CCBE1: variants seen among roughly 807,000 people sequenced by gnomAD.
CCBE1 encodes the protein collagen and calcium-binding EGF domain-containing protein 1.
In CCBE1, 37 loss-of-function variants were observed where a neutral mutation model predicts 50.0. That is an observed-to-expected ratio of 0.74 (90% confidence interval 0.57 to 0.97). The LOEUF is 0.97. CCBE1 is among the 50% of genes least tolerant of loss of function. CCBE1 has a pLI of 0.00. For synonymous variants in CCBE1, 234 were observed against 203.7 expected (o/e 1.15, Z -1.27); for missense variants, 538 against 523.8 (o/e 1.03, Z -0.26).
intron 2 of CCBE1, among the ~76,000 whole-genome samples, chr18:59,664,957 A>C (rs997281933): frequency 3.3e-5 from 5 of 152,196 alleles, no homozygotes; most frequent in African/African-American, 1.2e-4. Context: ...AGGAGGATCC[A>C]TTCTTCACTG....
intron 2 of CCBE1, among the ~76,000 whole-genome samples, chr18:59,546,397 G>T (rs1915683660): frequency 6.6e-6 from 1 of 152,150 alleles, no homozygotes; most frequent in Admixed American, 6.5e-5. Context: ...CTTCTTTCTG[G>T]TCAACAGTGA....
chr18:59,694,138 G>A (rs2054774468), intron 2 of CCBE1, among the ~76,000 whole-genome samples: 2 of 151,948 alleles, frequency 1.3e-5, no homozygotes, highest in Non-Finnish European at 1.5e-5. Flanking sequence ...CCAAAGTGCT[G>A]GGATTACAGG....
At chr18:59,666,622 G>T (rs905153179) in intron 2 of CCBE1, among the ~76,000 whole-genome samples, 12 of 152,080 alleles carry the variant, frequency 7.9e-5, no homozygotes, top group African/African-American at 2.4e-4. Context: ...TTTGAGGTGG[G>T]GGGGTGGGGG....
At chr18:59,603,028 A>C in intron 2 of CCBE1, among the ~76,000 whole-genome samples, 1 of 152,216 alleles carries the variant, frequency 6.6e-6, no homozygotes, top group East Asian at 1.9e-4. Flanking sequence ...GGTAAGCTGG[A>C]ATCACACTCA....
intron 2 of CCBE1, among the ~76,000 whole-genome samples, chr18:59,545,441 T>A (rs1266556582): frequency 6.6e-6 from 1 of 152,222 alleles, no homozygotes; most frequent in Non-Finnish European, 1.5e-5. Flanking sequence ...ACATAATGCA[T>A]ATTATTCCAC....
In CCBE1 at chr18:59,636,181, C is replaced by G. The variant is rs546355092; in HGVS notation, c.212+60448G>C. On this transcript the variant is annotated intron_variant, in intron 2 of 10. Coordinates refer to ENST00000439986, the MANE Select transcript of CCBE1 (RefSeq NM_133459.4). The stretch of plus-strand genomic sequence containing the variant: ...AAAAAAATAAAGCCCTAGCTCTGAA[C>G]TCCTTACATAAGGCATATCTAAAAT... Among the ~76,000 whole-genome samples the G allele has an allele frequency of 2.6e-5, 4 of 152,124 alleles. No homozygotes were observed. The South Asian group carries it at 8.3e-4, about 32-fold the overall frequency.
chr18:59,697,063 C>T, intron 1 of CCBE1, 149 bp downstream of exon 1: 5 of 1,134,232 alleles, frequency 4.4e-6, no homozygotes, highest in Non-Finnish European at 6.2e-6. Flanking sequence ...AAGTGTCGCC[C>T]AGGACAGCTG....
At chr18:59,497,626 A>G (rs1186466490) in intron 2 of CCBE1, among the ~76,000 whole-genome samples, 1 of 152,206 alleles carries the variant, frequency 6.6e-6, no homozygotes, top group African/African-American at 2.4e-5. Flanking sequence ...GCACTATTCA[A>G]TCTTTTTGTT....
intron 2 of CCBE1, among the ~76,000 whole-genome samples, chr18:59,632,923 A>G (rs1395610502): frequency 1.3e-5 from 2 of 152,152 alleles, no homozygotes; most frequent in African/African-American, 4.8e-5. Context: ...ACAATCTTCT[A>G]AAGCAGAAGG....
chr18:59,531,440 C>CA (rs1025076853), intron 2 of CCBE1, among the ~76,000 whole-genome samples: 18 of 151,722 alleles, frequency 1.2e-4, no homozygotes, highest in Non-Finnish European at 2.7e-4. Context: ...AGAGAGGAGC[C>CA]AAAAAAAATT....
At chr18:59,583,571 T>C (rs181589913) in intron 2 of CCBE1, among the ~76,000 whole-genome samples, 36 of 152,228 alleles carry the variant, frequency 2.4e-4, no homozygotes, top group African/African-American at 8.4e-4. Flanking sequence ...TATAAATCAA[T>C]TTCCATTGAG....
intron 2 of CCBE1, among the ~76,000 whole-genome samples, chr18:59,550,973 C>G (rs1329142574): frequency 1.6e-5 from 2 of 128,786 alleles, no homozygotes; most frequent in African/African-American, 6.0e-5. Flanking sequence ...CCACTGCACT[C>G]CAGCCTGGGC....
intron 2 of CCBE1, among the ~76,000 whole-genome samples, chr18:59,610,136 C>T (rs1239068216): frequency 1.3e-5 from 2 of 152,166 alleles, no homozygotes; most frequent in Non-Finnish European, 2.9e-5. Context: ...GAGGAAAGTA[C>T]ATGGGAGCAA....
At chr18:59,589,391 A>C (rs888347953) in intron 2 of CCBE1, among the ~76,000 whole-genome samples, 1 of 152,368 alleles carries the variant, frequency 6.6e-6, no homozygotes, top group African/African-American at 2.4e-5. Context: ...CCAGCTAAGT[A>C]AGTCCAATAT....
At chr18:59,495,838 G>A (rs1369517778) in intron 2 of CCBE1, among the ~76,000 whole-genome samples, 2 of 152,144 alleles carry the variant, frequency 1.3e-5, no homozygotes, top group Admixed American at 6.5e-5. Flanking sequence ...GCTCTCGGGT[G>A]GTAATGACCT....
chr18:59,440,919 GA>G (rs1022619719), intron 7 of CCBE1, among the ~76,000 whole-genome samples: 1 of 152,192 alleles, frequency 6.6e-6, no homozygotes, highest in African/African-American at 2.4e-5. Context: ...AGGGGCTGCT[GA>G]AAGCTCAGAG....
At chr18:59,532,607 G>A (rs951505965) in intron 2 of CCBE1, among the ~76,000 whole-genome samples, 3 of 152,166 alleles carry the variant, frequency 2.0e-5, no homozygotes, top group Admixed American at 6.5e-5. Context: ...GTTGTCCCAT[G>A]TCATCCTCAA....
At chr18:59,572,526 AAT>A (rs1217611920) in intron 2 of CCBE1, among the ~76,000 whole-genome samples, 5 of 152,250 alleles carry the variant, frequency 3.3e-5, no homozygotes, top group African/African-American at 1.2e-4. Flanking sequence ...ATCACTAGAT[AAT>A]AGTTTTCCTT....
At chr18:59,552,331 G>A (rs1450288148) in intron 2 of CCBE1, among the ~76,000 whole-genome samples, 6 of 152,318 alleles carry the variant, frequency 3.9e-5, no homozygotes, top group Middle Eastern at 3.4e-3. Context: ...GGATGTTCAC[G>A]CCTTTGTGTA....
Sources: allele counts gnomAD v4.1 joint callset (sites outside exome capture counted in the v4.1 genomes callset), GRCh38; gene constraint gnomAD v4.1.1; transcripts MANE v1.5; gene names NCBI Gene and HGNC (gene_info 2026-07-23, HGNC 2026-07-21).